The following TDRP variants were observed in gnomAD, a reference collection of about 807,000 sequenced individuals.
TDRP encodes the protein testis development related protein, also known as testis development-related protein.
Under a neutral mutation model 10.5 loss-of-function variants are expected in TDRP, and 12 were observed. That is an observed-to-expected ratio of 1.15 (90% CI 0.73 to 1.86). The LOEUF is 1.86. TDRP is among the 40% of genes most tolerant of loss of function. The pLI, the probability that TDRP is intolerant of heterozygous loss-of-function variation, is 0.00. For synonymous variants in TDRP, 139 were observed against 95.4 expected (o/e 1.46, Z -2.67); for missense variants, 353 against 229.2 (o/e 1.54, Z -3.49).
chr8:526,110 G>C (rs1399550040), intron 1 of TDRP, among the ~76,000 whole-genome samples: 3 of 152,150 alleles, frequency 2.0e-5, no homozygotes, highest in African/African-American at 7.2e-5. Context: ...TTAGTGAGTA[G>C]CCTTTAGTGA....
chr8:528,014 C>A (rs1802080973), intron 1 of TDRP, among the ~76,000 whole-genome samples: 1 of 152,108 alleles, frequency 6.6e-6, no homozygotes, highest in African/African-American at 2.4e-5. Context: ...ACCCACCTGA[C>A]AAGGGATTAA....
chr8:532,773 C>A (rs1021192511), intron 1 of TDRP, among the ~76,000 whole-genome samples: 1 of 152,152 alleles, frequency 6.6e-6, no homozygotes, highest in African/African-American at 2.4e-5. Flanking sequence ...ATCCTTTAGT[C>A]TAAACTAAGG....
chr8:510,304 C>T (rs545865884), intron 1 of TDRP, among the ~76,000 whole-genome samples: 4 of 152,290 alleles, frequency 2.6e-5, no homozygotes, highest in African/African-American at 7.2e-5. Flanking sequence ...TAACCACCCC[C>T]CATCCCGAGG....
intron 1 of TDRP, among the ~76,000 whole-genome samples, chr8:513,790 T>C (rs561160602): frequency 6.6e-6 from 1 of 151,986 alleles, no homozygotes; most frequent in Non-Finnish European, 1.5e-5. Flanking sequence ...AATAAAAGAG[T>C]TCAACACAGT....
chr8:521,972 TAA>T (rs1481189973), intron 1 of TDRP, among the ~76,000 whole-genome samples: 3 of 152,230 alleles, frequency 2.0e-5, no homozygotes, highest in African/African-American at 7.2e-5. Flanking sequence ...GATGCTATTA[TAA>T]GTGTTTTATT....
chr8:500,505 A>G (rs536989643), intron 1 of TDRP, among the ~76,000 whole-genome samples: 1 of 152,334 alleles, frequency 6.6e-6, no homozygotes, highest in Non-Finnish European at 1.5e-5. Flanking sequence ...TAATCAGAAA[A>G]GAGATCCTCA....
intron 1 of TDRP, among the ~76,000 whole-genome samples, chr8:503,177 C>T (rs897208200): frequency 1.3e-5 from 2 of 152,100 alleles, no homozygotes; most frequent in African/African-American, 4.8e-5. Context: ...GAACCCATGC[C>T]CACCTCAACA....
intron 1 of TDRP, among the ~76,000 whole-genome samples, chr8:534,900 C>T (rs954862999): frequency 2.6e-5 from 4 of 152,170 alleles, no homozygotes. Context: ...CAGCACATGG[C>T]AGGCACCAGT....
At chr8:521,740 T>C (rs1267929673) in intron 1 of TDRP, among the ~76,000 whole-genome samples, 1 of 152,170 alleles carries the variant, frequency 6.6e-6, no homozygotes, top group Admixed American at 6.5e-5. Flanking sequence ...TGAGATTCTA[T>C]ATGAACTTTA....
intron 1 of TDRP, among the ~76,000 whole-genome samples, chr8:513,109 T>TAA (rs1321386056): frequency 2.0e-4 from 15 of 75,610 alleles, no homozygotes; most frequent in Admixed American, 2.8e-4. Context: ...TCACACTATT[T>TAA]CAAAAAAAAA....
In TDRP at chr8:491,881, C is replaced by A; in HGVS notation, c.*518G>T. ...GCTTTGCTTTTCCAGTATTTGTTTA[C>A]GTATTTGTTTAATAAGAACAAAGTT... On this transcript the variant is annotated 3_prime_UTR_variant, in exon 3 of 3. Coordinates refer to ENST00000324079, the MANE Select transcript of TDRP (RefSeq NM_001384899.1). The A allele has an allele frequency of 8.5e-7, 1 of 1,183,260 alleles. No homozygotes were observed. Among genetic ancestry groups the A allele is most frequent in the Non-Finnish European group, 1.0e-6 (1 of 957,142 alleles). 73.3% of individuals were successfully genotyped at this position (1,183,260 alleles called of 1,614,324 possible). A position where few individuals can be genotyped will look rare whatever the true frequency, so the allele number is the denominator to read the frequency against.
chr8:527,488 G>C (rs549878794), intron 1 of TDRP, among the ~76,000 whole-genome samples: 72 of 151,936 alleles, frequency 4.7e-4, no homozygotes, highest in Non-Finnish European at 7.6e-4. Flanking sequence ...AAAACTGGAG[G>C]AATCATGTTA....
intron 1 of TDRP, among the ~76,000 whole-genome samples, chr8:510,810 T>C (rs917739162): frequency 1.3e-5 from 2 of 152,202 alleles, no homozygotes; most frequent in Non-Finnish European, 1.5e-5. Context: ...GCACCGGTAA[T>C]GGTAATTATG....
chr8:508,213 T>G (rs1291727506), intron 1 of TDRP, among the ~76,000 whole-genome samples: 1 of 152,104 alleles, frequency 6.6e-6, no homozygotes, highest in Admixed American at 6.5e-5. Flanking sequence ...AAATGAAAAG[T>G]ATAATACATG....
At chr8:520,417 C>T (rs1024106561) in intron 1 of TDRP, among the ~76,000 whole-genome samples, 1 of 152,150 alleles carries the variant, frequency 6.6e-6, no homozygotes, top group Non-Finnish European at 1.5e-5. Context: ...CATGGGTGTG[C>T]AAATCTCTTT....
At chr8:506,356 C>A (rs941139239) in intron 1 of TDRP, among the ~76,000 whole-genome samples, 1 of 152,158 alleles carries the variant, frequency 6.6e-6, no homozygotes, top group Non-Finnish European at 1.5e-5. Flanking sequence ...CAGCCACAGC[C>A]AACAGCACAG....
chr8:539,278 C>G (rs1295672195), intron 1 of TDRP, among the ~76,000 whole-genome samples: 1 of 152,140 alleles, frequency 6.6e-6, no homozygotes, highest in Non-Finnish European at 1.5e-5. Flanking sequence ...TGGTAAGAAG[C>G]TGGAGCTCCC....
intron 1 of TDRP, among the ~76,000 whole-genome samples, chr8:529,096 C>A (rs1284932228): frequency 6.6e-6 from 1 of 152,118 alleles, no homozygotes; most frequent in Non-Finnish European, 1.5e-5. Context: ...GTGCCAGCAG[C>A]TGATGAGATG....
At chr8:507,759 C>T (rs1035031846) in intron 1 of TDRP, among the ~76,000 whole-genome samples, 1 of 152,136 alleles carries the variant, frequency 6.6e-6, no homozygotes, top group African/African-American at 2.4e-5. Flanking sequence ...ACAGTCAGTA[C>T]CCAGAGTGGC....
Sources: allele counts gnomAD v4.1 joint callset (sites outside exome capture counted in the v4.1 genomes callset), GRCh38; gene constraint gnomAD v4.1.1; transcripts MANE v1.5; gene names NCBI Gene and HGNC (gene_info 2026-07-23, HGNC 2026-07-21).